UTRN: variants seen among roughly 807,000 people sequenced by gnomAD.
The protein encoded by UTRN is dystrophin-related protein 1.
In UTRN, 283 loss-of-function variants were observed where a neutral mutation model predicts 463.9. The ratio of observed to expected loss-of-function variants is 0.61; its 90% CI spans 0.55 to 0.67. UTRN has a LOEUF of 0.67. UTRN is among the 30% of genes least tolerant of loss of function. The pLI, the probability that UTRN is intolerant of heterozygous loss-of-function variation, is 0.00. For synonymous variants in UTRN, 1,442 were observed against 1,431.5 expected (o/e 1.01, Z -0.17); for missense variants, 3,922 against 4,084.3 (o/e 0.96, Z 1.08).
chr6:144,603,902 G>C (rs756759931), intron 51 of UTRN, among the ~76,000 whole-genome samples: 2 of 152,066 alleles, frequency 1.3e-5, no homozygotes, highest in Non-Finnish European at 2.9e-5. Flanking sequence ...CACAGCAGTG[G>C]TATATCAATA....
intron 51 of UTRN, among the ~76,000 whole-genome samples, chr6:144,589,967 T>A (rs1219014137): frequency 6.6e-6 from 1 of 151,942 alleles, no homozygotes; most frequent in Non-Finnish European, 1.5e-5. Context: ...TCCTCCCGCC[T>A]CAGCCTCTCG....
intron 66 of UTRN, among the ~76,000 whole-genome samples, chr6:144,824,612 A>C (rs71547170): frequency 0.2 from 8,054 of 39,520 alleles, 1,110 homozygotes; most frequent in East Asian, 0.38. Context: ...ATATATATAT[A>C]TCTTTTTTTT....
At chr6:144,624,374 A>G (rs1775737431) in intron 51 of UTRN, among the ~76,000 whole-genome samples, 1 of 152,192 alleles carries the variant, frequency 6.6e-6, no homozygotes, top group Non-Finnish European at 1.5e-5. Context: ...TGGAAAGAAG[A>G]GGGAGACCAG....
intron 2 of UTRN, among the ~76,000 whole-genome samples, chr6:144,313,140 C>G (rs1283980971): frequency 6.6e-6 from 1 of 152,084 alleles, no homozygotes; most frequent in African/African-American, 2.4e-5. Flanking sequence ...AACACTATGT[C>G]AAGTTCTAGT....
intron 25 of UTRN, among the ~76,000 whole-genome samples, chr6:144,478,163 A>C (rs1028818751): frequency 5.3e-5 from 8 of 152,250 alleles, no homozygotes; most frequent in Non-Finnish European, 1.0e-4. Context: ...AAATCAACAA[A>C]CAAAGATAGT....
At chr6:144,406,356 CTTTTTTTTTT>C (rs57721924) in intron 3 of UTRN, among the ~76,000 whole-genome samples, 90 of 125,514 alleles carry the variant, frequency 7.2e-4, no homozygotes, top group Non-Finnish European at 8.6e-4. Flanking sequence ...TTTTTCTTTT[CTTTTTTTTTT>C]TTTTTTTTTT....
chr6:144,328,629 A>T (rs1584298040), intron 2 of UTRN, among the ~76,000 whole-genome samples: 1 of 152,192 alleles, frequency 6.6e-6, no homozygotes, highest in Non-Finnish European at 1.5e-5. Context: ...TACAATGAGT[A>T]AAAATACATT....
chr6:144,542,874 A>C lies in UTRN; in HGVS notation c.6595+4A>C. 1 of 1,609,542 alleles carries C rather than the reference A, an allele frequency of 6.2e-7. No individual in the cohort carries two copies. Among genetic ancestry groups the C allele is most frequent in the Admixed American group, 1.7e-5 (1 of 59,340 alleles). The stretch of plus-strand genomic sequence containing the variant: ...GTTTCACAGACAAGGATTGCTGGTA[A>C]GATATGTTTATCTTTAACAAAGTTT... On this transcript the variant is annotated splice_donor_region_variant and intron_variant, in intron 46 of 74. Coordinates refer to ENST00000367545, the MANE Select transcript of UTRN (RefSeq NM_007124.3).
chr6:144,549,237 G>A (rs532749724), intron 47 of UTRN, among the ~76,000 whole-genome samples: 1 of 152,308 alleles, frequency 6.6e-6, no homozygotes, highest in South Asian at 2.1e-4. Context: ...GATTTTAAAA[G>A]TGAATATCTC....
intron 23 of UTRN, among the ~76,000 whole-genome samples, chr6:144,466,919 G>T (rs1183524325): frequency 6.6e-6 from 1 of 152,160 alleles, no homozygotes; most frequent in Non-Finnish European, 1.5e-5. Flanking sequence ...AGGCTCTCAT[G>T]CAATCTCTTT....
chr6:144,461,072 C>A, intron 21 of UTRN, 125 bp from the exon 22 acceptor site: 3 of 700,670 alleles, frequency 4.3e-6, no homozygotes, highest in East Asian at 3.2e-5. Context: ...TTAACAGAGA[C>A]CCTTTTACAT....
intron 3 of UTRN, among the ~76,000 whole-genome samples, chr6:144,419,999 A>AC (rs1784695189): frequency 7.6e-6 from 1 of 131,730 alleles, no homozygotes; most frequent in Admixed American, 7.6e-5. Context: ...CACACACACA[A>AC]TAAAAACAGA....
At chr6:144,569,417 TCAC>T (rs1410549917) in intron 50 of UTRN, among the ~76,000 whole-genome samples, 2 of 152,136 alleles carry the variant, frequency 1.3e-5, no homozygotes, top group Non-Finnish European at 2.9e-5. Context: ...TCATTAAATT[TCAC>T]ATTTGCATGC....
chr6:144,726,585 TATAGAA>T (rs1787903683), intron 53 of UTRN, among the ~76,000 whole-genome samples: 1 of 152,106 alleles, frequency 6.6e-6, no homozygotes, highest in African/African-American at 2.4e-5. Flanking sequence ...AAACAAGAAA[TATAGAA>T]ATGTCACCTC....
intron 3 of UTRN, among the ~76,000 whole-genome samples, chr6:144,418,636 C>T (rs990839030): frequency 6.6e-6 from 1 of 151,868 alleles, no homozygotes; most frequent in Non-Finnish European, 1.5e-5. Context: ...CATGCAGTCT[C>T]CATCTCCTCT....
At chr6:144,779,869 T>A (rs1775662855) in intron 60 of UTRN, among the ~76,000 whole-genome samples, 2 of 152,182 alleles carry the variant, frequency 1.3e-5, no homozygotes, top group Admixed American at 1.3e-4. Context: ...TTAGCTTAAG[T>A]TTACCAATGA....
At chr6:144,330,778 G>C (rs943345234) in intron 2 of UTRN, 1 of 975,338 alleles carries the variant, frequency 1.0e-6, no homozygotes, top group East Asian at 1.1e-4. Flanking sequence ...TGACCATTCT[G>C]GTCCGGGCAG....
chr6:144,328,996 C>A (rs889477141), intron 2 of UTRN, among the ~76,000 whole-genome samples: 2 of 151,362 alleles, frequency 1.3e-5, no homozygotes, highest in African/African-American at 4.9e-5. Context: ...TGTTGGCCAG[C>A]CTGATCTTGA....
chr6:144,709,410 A>T (rs866828033), intron 53 of UTRN, among the ~76,000 whole-genome samples: 2 of 152,018 alleles, frequency 1.3e-5, no homozygotes, highest in Admixed American at 6.6e-5. Context: ...TCCTTTTTGT[A>T]ATAAAGTTTA....
Sources: gnomAD v4.1 joint callset for allele counts (sites outside exome capture counted in the v4.1 genomes callset) on GRCh38, gnomAD v4.1.1 for gene constraint, MANE v1.5 for transcripts, NCBI Gene and HGNC (gene_info 2026-07-23, HGNC 2026-07-21) for gene names.